Variants in MED22 observed in about 807,000 individuals in gnomAD.
MED22 encodes the protein mediator of RNA polymerase II transcription subunit 22.
Under a neutral mutation model 22.7 loss-of-function variants are expected in MED22, and 22 were observed. That is an observed-to-expected ratio of 0.97 (90% confidence interval 0.69 to 1.38). MED22 has a LOEUF of 1.38. Ranked by LOEUF, MED22 falls within the 40% of genes most tolerant of loss-of-function variation. The pLI, the probability that MED22 is intolerant of heterozygous loss-of-function variation, is 0.00. For synonymous variants in MED22, 134 were observed against 119.4 expected, an observed-to-expected ratio of 1.12 and a Z score of -0.80; for missense variants, 247 against 263.0, an observed-to-expected ratio of 0.94 and a Z score of 0.42.
intron 2 of MED22, 127 bp downstream of exon 2, chr9:133,346,413 C>T: frequency 8.3e-7 from 1 of 1,203,340 alleles, no homozygotes; most frequent in Non-Finnish European, 1.2e-6. Context: ...TATCTACTGA[C>T]CAGCTCCCTG....
chr9:133,346,314 T>A lies in MED22; in HGVS notation c.123+226A>T. ...ACCAGTCATCACAAGGACCCCACCA[T>A]GCAGGAGAAACTGAGGCACTAAAAA... On this transcript the variant is annotated intron_variant, in intron 2 of 4. Transcript: ENST00000343730. 8 of 553,396 alleles carry A rather than the reference T, an allele frequency of 1.4e-5. No homozygotes were observed. The South Asian group carries it at 1.7e-4, about 12-fold the overall frequency. 34.3% of individuals were successfully genotyped at this position (553,396 alleles called of 1,614,324 possible). A position where few individuals can be genotyped will look rare whatever the true frequency, so the allele number is the denominator to read the frequency against.
In MED22 at chr9:133,340,616, A is replaced by G. The variant is rs1273100738; in HGVS notation, c.*889T>C. 1 of 152,158 alleles carries G rather than the reference A, an allele frequency of 6.6e-6. No homozygotes were observed. The highest frequency in any genetic ancestry group is 2.4e-5 in the African/African-American group (1 of 41,402). 9.4% of individuals were successfully genotyped at this position (152,158 alleles called of 1,614,324 possible). On this transcript the variant is annotated 3_prime_UTR_variant, in exon 5 of 5. Coordinates refer to ENST00000343730, the MANE Select transcript of MED22 (RefSeq NM_133640.5). ...CTTCCTAGCTCTGTGGCCGTGGTACACCTCACCCCTTCTAAGTCCACATCC... is the reference window on the plus strand; with the variant it reads ...CTTCCTAGCTCTGTGGCCGTGGTACGCCTCACCCCTTCTAAGTCCACATCC...
chr9:133,339,275 G>C lies in MED22; in HGVS notation c.*2230C>G. 1 of 705,508 alleles carries C rather than the reference G, an allele frequency of 1.4e-6. No individual in the cohort carries two copies. Among genetic ancestry groups the C allele is most frequent in the Middle Eastern group, 3.0e-4 (1 of 3,360 alleles). The allele number at this position is 705,508 out of a possible 1,614,324, so 43.7% of individuals were successfully genotyped here. Reference sequence around the variant, plus strand: ...TGAATGTGCATATTCAGCACACTAAGCACTCTAAGAGCCGAGAGAGCTTCC... The same window carrying C: ...TGAATGTGCATATTCAGCACACTAACCACTCTAAGAGCCGAGAGAGCTTCC... On this transcript the variant is annotated 3_prime_UTR_variant, in exon 5 of 5. Transcript: ENST00000343730.
At position 133,341,594 on chromosome 9, in the gene MED22, C is replaced by G. The variant is rs1461698850; in HGVS notation, c.514G>C (p.Ala172Pro). The G allele has an allele frequency of 6.3e-7, 1 of 1,585,864 alleles. No individual in the cohort carries two copies. Among genetic ancestry groups the G allele is most frequent in the Admixed American group, 1.9e-5 (1 of 53,740 alleles). ...SADGLSAPLLASPEPSAGPLQ... is the reference protein window; with the variant it reads ...SADGLSAPLLPSPEPSAGPLQ... ...GGGCCAGCACTGGGCTCCGGGGACG[C>G]CAGCAGAGGGGCCGAGAGGCCATCA... The change falls in exon 5 of 5, where the codon GCG (alanine) becomes CCG (proline). Residue 172 changes from alanine (A) to proline (P), a missense_variant. By Grantham distance (27) the Ala-to-Pro change is conservative. Transcript: ENST00000343730.
chr9:133,339,417 GA>G lies in MED22; in HGVS notation c.*2087del. ...AGCAGCACACTGTGAGAACCAATGG[GA>G]AGGAGCCTGAGCTGCTGGAACCTCT... On this transcript the variant is annotated 3_prime_UTR_variant, in exon 5 of 5. Transcript: ENST00000343730. The G allele has an allele frequency of 1.3e-6, 1 of 786,922 alleles. No individual in the cohort carries two copies. Among genetic ancestry groups the G allele is most frequent in the Non-Finnish European group, 2.3e-6 (1 of 436,234 alleles). The allele number at this position is 786,922 out of a possible 1,614,324, so 48.7% of individuals were successfully genotyped here.
intron 3 of MED22, 49 bp from the exon 4 acceptor site, chr9:133,344,382 C>A: frequency 6.3e-7 from 1 of 1,599,794 alleles, no homozygotes. Context: ...GGGACAGCGG[C>A]CTTGCCTACA....
rs1372405320 is a variant in MED22, at chr9:133,339,307, G to A, written c.*2198C>T. The A allele has an allele frequency of 1.3e-5, 9 of 704,806 alleles. No homozygotes were observed. The highest frequency in any genetic ancestry group is 2.4e-5 in the Non-Finnish European group (9 of 377,102). The allele number at this position is 704,806 out of a possible 1,614,324, so 43.7% of individuals were successfully genotyped here. A position where few individuals can be genotyped will look rare whatever the true frequency, so the allele number is the denominator to read the frequency against. Reference sequence around the variant, plus strand: ...AAGAGCCGAGAGAGCTTCCTGAAACGCGTGAAGGAAAATGATCAGAAAAAG... The same window carrying A: ...AAGAGCCGAGAGAGCTTCCTGAAACACGTGAAGGAAAATGATCAGAAAAAG... On this transcript the variant is annotated 3_prime_UTR_variant, in exon 5 of 5. Transcript: ENST00000343730.
intron 4 of MED22, chr9:133,343,341 T>C: frequency 8.1e-7 from 1 of 1,230,382 alleles, no homozygotes. Context: ...TGGGGCAGAG[T>C]GGAAGGCCTC....
chr9:133,341,529 G>A lies in MED22; in HGVS notation c.579C>T (p.Gly193=), dbSNP rs2129948857. The A allele has an allele frequency of 6.5e-6, 10 of 1,531,980 alleles. No individual in the cohort carries two copies. The South Asian group carries it at 1.2e-4, about 18-fold the overall frequency. The allele number at this position is 1,531,980 out of a possible 1,614,324, so 94.9% of individuals were successfully genotyped here. A position where few individuals can be genotyped will look rare whatever the true frequency, so the allele number is the denominator to read the frequency against. ...CTCAGGCGTGCTCAGTGGGGCCAGGGCCACCAGCATGGGAGTGGGCAGGGG... is the reference window on the plus strand; with the variant it reads ...CTCAGGCGTGCTCAGTGGGGCCAGGACCACCAGCATGGGAGTGGGCAGGGG... The part of the protein sequence containing the change: ...VAAPAHSHAG[G]PGPTEHA The change falls in exon 5 of 5, where the codon GGC becomes GGT. Residue 193 remains glycine (G), a synonymous_variant. Coordinates refer to ENST00000343730, the MANE Select transcript of MED22 (RefSeq NM_133640.5).
intron 1 of MED22, chr9:133,347,119 C>G (rs1310294577): frequency 6.1e-6 from 1 of 163,450 alleles, no homozygotes; most frequent in East Asian, 1.8e-4. Context: ...CCTACATCCA[C>G]GCTTTCCTTC....
intron 4 of MED22, chr9:133,343,115 A>C: frequency 9.8e-7 from 1 of 1,015,724 alleles, no homozygotes; most frequent in Non-Finnish European, 1.2e-6. Context: ...GGAAAACTCT[A>C]GGACTGCTGC....
At position 133,339,523 on chromosome 9, in the gene MED22, A is replaced by G. The variant is rs1835961348; in HGVS notation, c.*1982T>C. 1.7e-6 allele frequency: 1 copy of G among 571,622 alleles called. No individual in the cohort carries two copies. The highest frequency in any genetic ancestry group is 3.2e-6 in the Non-Finnish European group (1 of 316,370). 35.4% of individuals were successfully genotyped at this position (571,622 alleles called of 1,614,324 possible). On this transcript the variant is annotated 3_prime_UTR_variant, in exon 5 of 5. Coordinates refer to ENST00000343730, the MANE Select transcript of MED22 (RefSeq NM_133640.5). ...AGAAAGAAAAAAAATAGGCATTAAA[A>G]AAACTATTTGGGGAACAACTGAAGA...
chr9:133,342,639 A>G, intron 4 of MED22: 1 of 986,116 alleles, frequency 1.0e-6, no homozygotes, highest in Non-Finnish European at 1.2e-6. Flanking sequence ...GGTCGCTTAA[A>G]GGCAATGTAC....
At chr9:133,342,659 C>T (rs2129954381) in intron 4 of MED22, 122 of 985,792 alleles carry the variant, frequency 1.2e-4, no homozygotes, top group East Asian at 4.5e-4. Flanking sequence ...CAGAGGAGGG[C>T]AACTGCTTCT....
rs1259708754 is a variant in MED22 at position 133,340,190 on chromosome 9, G to A, written c.*1315C>T. The A allele has an allele frequency of 2.0e-5, 3 of 152,212 alleles. No individual in the cohort carries two copies. The highest frequency in any genetic ancestry group is 4.8e-5 in the African/African-American group (2 of 41,438). The allele number at this position is 152,212 out of a possible 1,614,324, so 9.4% of individuals were successfully genotyped here. A position where few individuals can be genotyped will look rare whatever the true frequency, so the allele number is the denominator to read the frequency against. ...TCAATGGGGAAATTCTCCCTCAGAG[G>A]GGAAGCAACTTCCCTAGGCCACCCC... On this transcript the variant is annotated 3_prime_UTR_variant, in exon 5 of 5. Transcript: ENST00000343730.
chr9:133,344,369 G>C (rs2129961641), intron 3 of MED22, 36 bp from the exon 4 acceptor site: 2 of 1,608,532 alleles, frequency 1.2e-6, no homozygotes, highest in Non-Finnish European at 8.5e-7. Context: ...CACAGGGTGA[G>C]GGGGGACAGC....
chr9:133,343,256 G>A lies in MED22; in HGVS notation c.413+869C>T, dbSNP rs1836067088. 2.5e-6 allele frequency: 3 copies of A among 1,213,880 alleles called. No homozygotes were observed. The South Asian group carries it at 1.3e-4, about 52-fold the overall frequency. 75.2% of individuals were successfully genotyped at this position (1,213,880 alleles called of 1,614,324 possible). On this transcript the variant is annotated intron_variant, in intron 4 of 4. Transcript: ENST00000343730. ...TTTAAATCCACCACCAGGAAGGAAA[G>A]GTTTGTCCAGGAGAAGGCACAAGAT...
At position 133,339,569 on chromosome 9, in the gene MED22, C is replaced by A; in HGVS notation, c.*1936G>T. ...GAAGAAATCTGAATACAGCTAGATA[C>A]CAGAGGATATGCAATCATCATCCAT... is the stretch of plus-strand genomic sequence containing the variant. On this transcript the variant is annotated 3_prime_UTR_variant, in exon 5 of 5. Transcript: ENST00000343730. The A allele has an allele frequency of 2.1e-6, 1 of 482,110 alleles. No individual in the cohort carries two copies. The allele number at this position is 482,110 out of a possible 1,614,324, so 29.9% of individuals were successfully genotyped here. A position where few individuals can be genotyped will look rare whatever the true frequency, so the allele number is the denominator to read the frequency against.
Position 133,339,295 on chromosome 9 carries a change from G to C in MED22, c.*2210C>G. ...ACTAAGCACTCTAAGAGCCGAGAGA[G>C]CTTCCTGAAACGCGTGAAGGAAAAT... On this transcript the variant is annotated 3_prime_UTR_variant, in exon 5 of 5. Coordinates refer to ENST00000343730, the MANE Select transcript of MED22 (RefSeq NM_133640.5). The C allele has an allele frequency of 2.8e-6, 2 of 706,402 alleles. No individual in the cohort carries two copies. Among genetic ancestry groups the C allele is most frequent in the Non-Finnish European group, 5.3e-6 (2 of 378,092 alleles). 43.8% of individuals were successfully genotyped at this position (706,402 alleles called of 1,614,324 possible).
Sources: gnomAD v4.1 joint callset for allele counts on GRCh38, gnomAD v4.1.1 for gene constraint, MANE v1.5 for transcripts, NCBI Gene and HGNC (gene_info 2026-07-23, HGNC 2026-07-21) for gene names.